Variants in KCNS3 observed in about 807,000 individuals in gnomAD.
KCNS3 encodes the protein delayed-rectifier potassium channel regulatory subunit KCNS3.
A neutral mutation model predicts 31.0 loss-of-function variants in KCNS3; 13 were observed. The ratio of observed to expected loss-of-function variants is 0.42; its 90% CI spans 0.27 to 0.67. The LOEUF is 0.67. KCNS3 is among the 30% of genes least tolerant of loss of function. The probability of loss-of-function intolerance (pLI) is 0.25; values close to 1 mark genes in which losing one functional copy is unlikely to be tolerated. For synonymous variants in KCNS3, 238 were observed against 241.5 expected, an observed-to-expected ratio of 0.99 and a Z score of 0.13; for missense variants, 545 against 622.4, an observed-to-expected ratio of 0.88 and a Z score of 1.32.
At chr2:17,883,429 G>C (rs1558444666) in intron 1 of KCNS3, among the ~76,000 whole-genome samples, 1 of 151,922 alleles carries the variant, frequency 6.6e-6, no homozygotes, top group Non-Finnish European at 1.5e-5. Flanking sequence ...GAAGTGGGAG[G>C]GAGACAGGCA....
intron 2 of KCNS3, among the ~76,000 whole-genome samples, chr2:17,928,865 AC>A (rs1377550657): frequency 1.3e-5 from 2 of 151,780 alleles, no homozygotes; most frequent in Non-Finnish European, 2.9e-5. Flanking sequence ...CCAATCAGTT[AC>A]CAAATCCTGT....
chr2:17,921,501 G>A (rs1662701488), intron 2 of KCNS3, among the ~76,000 whole-genome samples: 1 of 151,986 alleles, frequency 6.6e-6, no homozygotes, highest in African/African-American at 2.4e-5. Flanking sequence ...GTTGGTTTTT[G>A]TACTAGTTCA....
intron 1 of KCNS3, among the ~76,000 whole-genome samples, chr2:17,904,124 T>A (rs926205865): frequency 1.1e-4 from 16 of 152,208 alleles, no homozygotes; most frequent in Non-Finnish European, 2.2e-4. Context: ...CACCTGTGGT[T>A]TCCTGAACTT....
intron 1 of KCNS3, among the ~76,000 whole-genome samples, chr2:17,916,591 A>T (rs966499798): frequency 2.0e-5 from 3 of 152,162 alleles, no homozygotes; most frequent in African/African-American, 7.2e-5. Flanking sequence ...GTGCTGAAGG[A>T]TTGCTCTGCT....
At chr2:17,885,331 G>A (rs1361946839) in intron 1 of KCNS3, among the ~76,000 whole-genome samples, 5 of 152,206 alleles carry the variant, frequency 3.3e-5, no homozygotes, top group South Asian at 4.2e-4. Flanking sequence ...TCCTCTGTAC[G>A]CATGGATATC....
chr2:17,927,176 G>A (rs1415124898), intron 2 of KCNS3, among the ~76,000 whole-genome samples: 3 of 152,192 alleles, frequency 2.0e-5, no homozygotes, highest in Non-Finnish European at 2.9e-5. Context: ...AGCATAGCAA[G>A]AATGAGTGTT....
chr2:17,903,479 T>TCC (rs1662235769), intron 1 of KCNS3, among the ~76,000 whole-genome samples: 1 of 152,198 alleles, frequency 6.6e-6, no homozygotes, highest in African/African-American at 2.4e-5. Context: ...TATTATACTT[T>TCC]AAGTTCTAGG....
At chr2:17,882,978 G>A (rs1259514412) in intron 1 of KCNS3, among the ~76,000 whole-genome samples, 1 of 152,116 alleles carries the variant, frequency 6.6e-6, no homozygotes, top group Non-Finnish European at 1.5e-5. Flanking sequence ...GTGGGCAAGA[G>A]GTCTCATTCT....
intron 1 of KCNS3, among the ~76,000 whole-genome samples, chr2:17,885,962 G>A (rs1213345298): frequency 6.6e-6 from 1 of 152,158 alleles, no homozygotes; most frequent in Non-Finnish European, 1.5e-5. Flanking sequence ...TCAATTTGTA[G>A]TTGTAGGGAA....
chr2:17,904,662 C>T (rs77279202), intron 1 of KCNS3, among the ~76,000 whole-genome samples: 136,639 of 152,104 alleles, frequency 0.9, 61,781 homozygotes, highest in East Asian at 0.99. Context: ...GGATCCAGTT[C>T]CAGCTTTCTA....
intron 1 of KCNS3, among the ~76,000 whole-genome samples, chr2:17,911,196 T>C (rs1210575251): frequency 2.0e-5 from 3 of 152,216 alleles, no homozygotes; most frequent in Non-Finnish European, 4.4e-5. Context: ...TACTGGACCT[T>C]GTATTGCCGT....
intron 2 of KCNS3, among the ~76,000 whole-genome samples, chr2:17,921,915 GTATATATATATATATA>G (rs56064218): frequency 4.9e-4 from 16 of 32,810 alleles, no homozygotes; most frequent in Middle Eastern, 0.016. Flanking sequence ...GTGTGTGTGT[GTATATATATATATATA>G]TATATATATA....
intron 1 of KCNS3, among the ~76,000 whole-genome samples, chr2:17,885,327 G>A (rs976902071): frequency 6.6e-6 from 1 of 152,136 alleles, no homozygotes; most frequent in African/African-American, 2.4e-5. Flanking sequence ...CGCTTCCTCT[G>A]TACGCATGGA....
intron 1 of KCNS3, among the ~76,000 whole-genome samples, chr2:17,909,688 A>G (rs1558454709): frequency 6.6e-6 from 1 of 152,138 alleles, no homozygotes; most frequent in Admixed American, 6.5e-5. Flanking sequence ...ACTTGAGGGA[A>G]GTGAGAGGGC....
intron 2 of KCNS3, among the ~76,000 whole-genome samples, chr2:17,927,813 A>C (rs1209620014): frequency 6.7e-6 from 1 of 149,376 alleles, no homozygotes; most frequent in Non-Finnish European, 1.5e-5. Flanking sequence ...TAATAACTTA[A>C]CTCTTTCAAC....
intron 1 of KCNS3, among the ~76,000 whole-genome samples, chr2:17,899,424 A>T (rs1307121600): frequency 1.4e-5 from 1 of 70,780 alleles, no homozygotes; most frequent in Non-Finnish European, 2.9e-5. Context: ...GCTGTCAGTC[A>T]TCTATCTATC....
rs142933991 is a variant in KCNS3, at chr2:17,927,212, A to G, written c.-59-3738A>G. ...TGTTCCAGGTCCCAATCAGTTTTTC[A>G]TCTCCATCTGAGACCACTTCAGCCT... On this transcript the variant is annotated intron_variant, in intron 2 of 2. Coordinates refer to ENST00000304101, the MANE Select transcript of KCNS3 (RefSeq NM_002252.5). Among the ~76,000 whole-genome samples the G allele has an allele frequency of 1.9e-3, 290 of 152,278 alleles. 2 individuals are homozygous for G. The highest frequency in any genetic ancestry group is 0.014 in the Middle Eastern group (4 of 292).
rs5829612 is a variant in KCNS3 at position 17,893,940 on chromosome 2, G to GTTTTTTTTTTTTTT, written c.-252+15147_-252+15160dup. On this transcript the variant is annotated intron_variant, in intron 1 of 2. Transcript: ENST00000304101. Reference sequence around the variant, plus strand: ...CCCTCTGCCATGATCCCAGGAGCCAGTTTTTTTTTTTTTTTTTTTTTTTTT... The same window carrying GTTTTTTTTTTTTTT: ...CCCTCTGCCATGATCCCAGGAGCCAGTTTTTTTTTTTTTTTTTTTTTTTTTTTTTTTTTTTTTTT... Among the ~76,000 whole-genome samples the GTTTTTTTTTTTTTT allele has an allele frequency of 9.9e-4, 98 of 98,894 alleles. 6 individuals carry two copies. Among genetic ancestry groups the GTTTTTTTTTTTTTT allele is most frequent in the African/African-American group, 3.7e-3 (84 of 22,414 alleles). 64.9% of individuals were successfully genotyped at this position (98,894 alleles called of 152,430 possible). A position where few individuals can be genotyped will look rare whatever the true frequency, so the allele number is the denominator to read the frequency against.
At chr2:17,904,674 A>G (rs909545602) in intron 1 of KCNS3, among the ~76,000 whole-genome samples, 12 of 152,220 alleles carry the variant, frequency 7.9e-5, no homozygotes, top group African/African-American at 2.7e-4. Context: ...AGCTTTCTAC[A>G]TATGGCTAGC....
Sources: allele counts gnomAD v4.1 joint callset (sites outside exome capture counted in the v4.1 genomes callset), GRCh38; gene constraint gnomAD v4.1.1; transcripts MANE v1.5; gene names NCBI Gene and HGNC (gene_info 2026-07-23, HGNC 2026-07-21).